Variants in ITPR1 observed in about 807,000 individuals in gnomAD.
ITPR1 encodes the protein inositol 1,4,5-trisphosphate-gated calcium channel ITPR1.
Under a neutral mutation model 318.4 loss-of-function variants are expected in ITPR1, and 96 were observed. That is an observed-to-expected ratio of 0.30 (90% CI 0.26 to 0.36). The LOEUF is 0.36. Ranked by LOEUF, ITPR1 falls within the 10% of genes least tolerant of loss-of-function variation. The probability of loss-of-function intolerance (pLI) is 1.00; values close to 1 mark genes in which losing one functional copy is unlikely to be tolerated. For synonymous variants in ITPR1, 1,312 were observed against 1,289.9 expected (o/e 1.02, Z -0.37); for missense variants, 2,440 against 3,460.2 (o/e 0.71, Z 7.40).
chr3:4,585,062 G>A (rs1489774014), intron 4 of ITPR1, among the ~76,000 whole-genome samples: 2 of 152,084 alleles, frequency 1.3e-5, no homozygotes, highest in African/African-American at 4.8e-5. Context: ...CCCTCCGAGG[G>A]TCCTAACTGT....
At chr3:4,687,603 G>A (rs1040038481) in intron 30 of ITPR1, among the ~76,000 whole-genome samples, 2 of 152,176 alleles carry the variant, frequency 1.3e-5, no homozygotes, top group South Asian at 2.1e-4. Context: ...TATGAAGGAT[G>A]ATTTCCAGTT....
intron 2 of ITPR1, among the ~76,000 whole-genome samples, chr3:4,497,909 A>G (rs535315006): frequency 1.3e-5 from 2 of 152,346 alleles, no homozygotes; most frequent in South Asian, 4.1e-4. Context: ...AATGTGGATG[A>G]ACCTTGAAAA....
chr3:4,774,519 G>A (rs573604137), intron 46 of ITPR1, among the ~76,000 whole-genome samples: 1 of 152,268 alleles, frequency 6.6e-6, no homozygotes, highest in South Asian at 2.1e-4. Context: ...ACAGATGACT[G>A]GAGCCTCTGA....
At chr3:4,839,003 A>C (rs892786664) in intron 61 of ITPR1, among the ~76,000 whole-genome samples, 1 of 152,218 alleles carries the variant, frequency 6.6e-6, no homozygotes, top group Non-Finnish European at 1.5e-5. Flanking sequence ...TCATCAAAGG[A>C]GTGAGTTGAG....
At chr3:4,821,885 A>G (rs1299614788) in intron 60 of ITPR1, among the ~76,000 whole-genome samples, 1 of 152,160 alleles carries the variant, frequency 6.6e-6, no homozygotes, top group East Asian at 1.9e-4. Flanking sequence ...CCACAAGTTA[A>G]TCTTGTTTAA....
chr3:4,561,813 T>C lies in ITPR1; in HGVS notation c.163+40719T>C, dbSNP rs147558149. ...AGACCTGCCAATAACTATTTTAAAA[T>C]ATAAACAGATAACTGTTTGTTTTGC... is the stretch of plus-strand genomic sequence containing the variant. On this transcript the variant is annotated intron_variant, in intron 4 of 61. Coordinates refer to ENST00000649015, the MANE Select transcript of ITPR1 (RefSeq NM_001378452.1). Among the ~76,000 whole-genome samples, 14 of 152,294 alleles carry C rather than the reference T, an allele frequency of 9.2e-5. No individual in the cohort carries two copies. The East Asian group carries it at 2.5e-3, about 27-fold the overall frequency.
chr3:4,570,567 C>T (rs1256804319), intron 4 of ITPR1, among the ~76,000 whole-genome samples: 1 of 152,154 alleles, frequency 6.6e-6, no homozygotes, highest in Non-Finnish European at 1.5e-5. Context: ...AATCTGAATG[C>T]CTGATAGCCT....
intron 37 of ITPR1, among the ~76,000 whole-genome samples, chr3:4,706,812 T>C (rs1424839505): frequency 6.6e-6 from 1 of 152,240 alleles, no homozygotes; most frequent in Non-Finnish European, 1.5e-5. Flanking sequence ...ATTTACCTTT[T>C]TTCGTAGAAT....
chr3:4,800,790 T>G (rs561373296), intron 54 of ITPR1, among the ~76,000 whole-genome samples, 190 bp downstream of exon 54: 1 of 152,322 alleles, frequency 6.6e-6, no homozygotes, highest in East Asian at 1.9e-4. Context: ...CGTGGTGCAG[T>G]GAGCCTTGTA....
chr3:4,642,842 G>C (rs2093368344), intron 7 of ITPR1, among the ~76,000 whole-genome samples: 1 of 152,228 alleles, frequency 6.6e-6, no homozygotes, highest in African/African-American at 2.4e-5. Context: ...GAATTAGTCA[G>C]CCATTACGTG....
chr3:4,732,889 G>A (rs753353001), intron 42 of ITPR1, among the ~76,000 whole-genome samples, 199 bp from the exon 43 acceptor site: 43 of 152,230 alleles, frequency 2.8e-4, no homozygotes, highest in Admixed American at 2.2e-3. Context: ...GATTGCTACC[G>A]TTTTTTAAAA....
chr3:4,643,607 G>A (rs1212151106), intron 7 of ITPR1, among the ~76,000 whole-genome samples: 1 of 149,898 alleles, frequency 6.7e-6, no homozygotes, highest in African/African-American at 2.5e-5. Context: ...TTGGGGGGGG[G>A]GTAACTTTTG....
chr3:4,724,151 C>T (rs533094539), intron 40 of ITPR1, among the ~76,000 whole-genome samples: 7 of 152,300 alleles, frequency 4.6e-5, no homozygotes, highest in East Asian at 3.9e-4. Context: ...GAAGTTTTCT[C>T]CCTGAGATTA....
chr3:4,842,249 C>T (rs764584452), intron 61 of ITPR1, among the ~76,000 whole-genome samples: 5 of 152,198 alleles, frequency 3.3e-5, no homozygotes, highest in African/African-American at 7.2e-5. Flanking sequence ...TTAGATGAGT[C>T]AAAAGGAGGA....
chr3:4,673,158 A>G lies in ITPR1; in HGVS notation c.2227A>G (p.Arg743Gly). The G allele has an allele frequency of 6.2e-7, 1 of 1,613,758 alleles. No homozygotes were observed. Among genetic ancestry groups the G allele is most frequent in the Non-Finnish European group, 8.5e-7 (1 of 1,179,726 alleles). Residue 743 changes from arginine to glycine, a missense_variant, in exon 21 of 62, where the codon AGG becomes GGG. Coordinates refer to ENST00000649015, the MANE Select transcript of ITPR1 (RefSeq NM_001378452.1). ...TAGATATCAGCTGAACCTCTTTGCG[A>G]GGATGTGTCTGGACCGCCAATACCT... Reference protein sequence around the residue: ...YYRYQLNLFARMCLDRQYLAI... With the variant: ...YYRYQLNLFAGMCLDRQYLAI...
At chr3:4,788,249 T>A (rs2047330314) in intron 52 of ITPR1, 110 bp downstream of exon 52, 5 of 873,392 alleles carry the variant, frequency 5.7e-6, no homozygotes, top group East Asian at 2.7e-5. Context: ...TAGTATCATT[T>A]ATGATACTTT....
chr3:4,775,977 A>T (rs1286306628), intron 47 of ITPR1, among the ~76,000 whole-genome samples: 1 of 152,254 alleles, frequency 6.6e-6, no homozygotes, highest in Non-Finnish European at 1.5e-5. Flanking sequence ...ATATTTTGGG[A>T]GTACAACCCA....
chr3:4,560,171 C>T (rs1329143508), intron 4 of ITPR1, among the ~76,000 whole-genome samples: 1 of 152,202 alleles, frequency 6.6e-6, no homozygotes, highest in Non-Finnish European at 1.5e-5. Context: ...AACTGCAGCA[C>T]AGAAATACTG....
chr3:4,515,816 T>G (rs1220714199), intron 2 of ITPR1, among the ~76,000 whole-genome samples: 1 of 152,320 alleles, frequency 6.6e-6, no homozygotes, highest in Admixed American at 6.5e-5. Context: ...GGCCAGGTAC[T>G]GTCTAAAGGG....
Sources: allele counts gnomAD v4.1 joint callset (sites outside exome capture counted in the v4.1 genomes callset), GRCh38; gene constraint gnomAD v4.1.1; transcripts MANE v1.5; gene names NCBI Gene and HGNC (gene_info 2026-07-23, HGNC 2026-07-21).